PRDM5: variants seen among roughly 807,000 people sequenced by gnomAD.
The protein encoded by PRDM5 is PR/SET domain 5.
PRDM5 carries 56 observed loss-of-function variants against 81.2 expected under a neutral mutation model. That is an observed-to-expected ratio of 0.69 (90% confidence interval 0.56 to 0.86). PRDM5 has a LOEUF of 0.86. Ranked by LOEUF, PRDM5 falls within the 40% of genes least tolerant of loss-of-function variation. The pLI is 0.00. For missense variants in PRDM5, 697 were observed against 770.1 expected (o/e 0.91, Z 1.12); for synonymous variants, 267 against 256.4 (o/e 1.04, Z -0.39).
At chr4:120,770,234 G>A (rs1029745081) in intron 13 of PRDM5, among the ~76,000 whole-genome samples, 1 of 152,008 alleles carries the variant, frequency 6.6e-6, no homozygotes, top group African/African-American at 2.4e-5. Context: ...TCGCCATGTT[G>A]GCCAGGCTGG....
chr4:120,824,346 T>G (rs569321129), intron 3 of PRDM5, among the ~76,000 whole-genome samples: 2 of 152,318 alleles, frequency 1.3e-5, no homozygotes, highest in East Asian at 3.9e-4. Context: ...GTTATTCCCT[T>G]GAGCACAGTC....
rs751038770 is a variant in PRDM5 at position 120,816,897 on chromosome 4, A to T, written c.678T>A (p.Ser226Arg). Residue 226 changes from serine to arginine, a missense_variant, in exon 6 of 16, where the codon AGT (serine) becomes AGA (arginine). Coordinates refer to ENST00000264808, the MANE Select transcript of PRDM5 (RefSeq NM_018699.4). ...GAAAACTTCGCGAAGACTCCTTTAG[A>T]CTGCTTTTCGCTGTGCACTGAAGAA... Reference protein sequence around the residue: ...RHVLQCTAKSSLKESSRSFQC... With the variant: ...RHVLQCTAKSRLKESSRSFQC... The T allele has an allele frequency of 5.0e-6, 8 of 1,613,398 alleles. No individual in the cohort carries two copies. The East Asian group carries it at 1.8e-4, about 36-fold the overall frequency.
chr4:120,854,473 G>C (rs1045740290), intron 2 of PRDM5, among the ~76,000 whole-genome samples: 1 of 152,010 alleles, frequency 6.6e-6, no homozygotes, highest in Non-Finnish European at 1.5e-5. Flanking sequence ...TGGCAGACTT[G>C]ATAAGAATTC....
intron 10 of PRDM5, among the ~76,000 whole-genome samples, chr4:120,786,284 G>C (rs79376371): frequency 1.8e-4 from 27 of 152,030 alleles, no homozygotes; most frequent in Admixed American, 3.9e-4. Flanking sequence ...GAAAGATATA[G>C]AGAAAGCATG....
intron 14 of PRDM5, among the ~76,000 whole-genome samples, chr4:120,751,659 C>T (rs1461004991): frequency 6.6e-6 from 1 of 152,172 alleles, no homozygotes; most frequent in African/African-American, 2.4e-5. Flanking sequence ...AATCCACCAG[C>T]CTTCACCTCA....
chr4:120,742,650 G>A lies in PRDM5; in HGVS notation c.1623+11903C>T, dbSNP rs988557185. ...GAAGAATGCAAAAGCCTCAGGAGCC[G>A]AAGCGATCAACTGGAAGAAAGGGTA... On this transcript the variant is annotated intron_variant, in intron 14 of 15. Transcript: ENST00000264808. 3.3e-5 allele frequency among the ~76,000 whole-genome samples: 5 copies of A among 152,312 alleles called. No individual in the cohort carries two copies. The East Asian group carries it at 5.8e-4, about 18-fold the overall frequency.
At chr4:120,908,053 C>G (rs1766034043) in intron 1 of PRDM5, among the ~76,000 whole-genome samples, 1 of 152,218 alleles carries the variant, frequency 6.6e-6, no homozygotes, top group Non-Finnish European at 1.5e-5. Context: ...ATCTTTCAAA[C>G]AGGCAAATGG....
chr4:120,728,964 A>G (rs1039298880), intron 14 of PRDM5, among the ~76,000 whole-genome samples: 26 of 152,248 alleles, frequency 1.7e-4, no homozygotes, highest in African/African-American at 6.0e-4. Flanking sequence ...AAGTAGCACA[A>G]TTAAATATTC....
intron 2 of PRDM5, among the ~76,000 whole-genome samples, chr4:120,855,503 C>G (rs1031380440): frequency 6.6e-6 from 1 of 152,094 alleles, no homozygotes; most frequent in African/African-American, 2.4e-5. Flanking sequence ...CACTCACTGC[C>G]CACTGGGAAA....
intron 7 of PRDM5, chr4:120,816,145 A>G: frequency 2.9e-6 from 1 of 347,240 alleles, no homozygotes; most frequent in South Asian, 3.0e-5. Flanking sequence ...CACATGCCAA[A>G]ACATTTAAAA....
intron 15 of PRDM5, among the ~76,000 whole-genome samples, chr4:120,698,724 G>A (rs1734883889): frequency 6.6e-6 from 1 of 152,114 alleles, no homozygotes; most frequent in Non-Finnish European, 1.5e-5. Flanking sequence ...CACCTGGTTT[G>A]ACTGTAAATG....
At chr4:120,913,349 T>C (rs1766734164) in intron 1 of PRDM5, among the ~76,000 whole-genome samples, 1 of 152,212 alleles carries the variant, frequency 6.6e-6, no homozygotes, top group Non-Finnish European at 1.5e-5. Flanking sequence ...GCCACTGAAC[T>C]AATGGCCACA....
At chr4:120,820,666 A>G (rs1407797867) in intron 4 of PRDM5, among the ~76,000 whole-genome samples, 1 of 152,232 alleles carries the variant, frequency 6.6e-6, no homozygotes, top group Non-Finnish European at 1.5e-5. Flanking sequence ...ACAGAAAGAG[A>G]TGCCAAGAAG....
intron 2 of PRDM5, among the ~76,000 whole-genome samples, chr4:120,887,630 T>A (rs1217535604): frequency 6.6e-6 from 1 of 152,206 alleles, no homozygotes; most frequent in Non-Finnish European, 1.5e-5. Context: ...CTGCTTTGTT[T>A]CTGTCCTTTG....
intron 14 of PRDM5, among the ~76,000 whole-genome samples, chr4:120,736,726 G>A (rs139144634): frequency 6.6e-6 from 1 of 152,058 alleles, no homozygotes. Flanking sequence ...GCAGAGTGCT[G>A]GCATATAGTT....
chr4:120,716,004 G>C (rs1737681203), intron 14 of PRDM5, among the ~76,000 whole-genome samples: 1 of 152,154 alleles, frequency 6.6e-6, no homozygotes, highest in Non-Finnish European at 1.5e-5. Context: ...TTAAAAGACT[G>C]ACTCCCTGCT....
At chr4:120,818,159 A>C (rs1754784093) in intron 5 of PRDM5, 194 bp downstream of exon 5, 1 of 569,286 alleles carries the variant, frequency 1.8e-6, no homozygotes, top group East Asian at 2.9e-5. Flanking sequence ...ATATTTTAAT[A>C]ATCAACATAC....
At chr4:120,757,837 C>A (rs1744995675) in intron 13 of PRDM5, among the ~76,000 whole-genome samples, 1 of 151,246 alleles carries the variant, frequency 6.6e-6, no homozygotes, top group African/African-American at 2.4e-5. Flanking sequence ...CTCTCTCTTT[C>A]TCTCCTCCTC....
At chr4:120,905,371 G>A (rs139069557) in intron 2 of PRDM5, among the ~76,000 whole-genome samples, 1 of 152,202 alleles carries the variant, frequency 6.6e-6, no homozygotes, top group Non-Finnish European at 1.5e-5. Flanking sequence ...TTAATCAAAC[G>A]CTGATATAGC....
Sources: gnomAD v4.1 joint callset for allele counts (sites outside exome capture counted in the v4.1 genomes callset) on GRCh38, gnomAD v4.1.1 for gene constraint, MANE v1.5 for transcripts, NCBI Gene and HGNC (gene_info 2026-07-23, HGNC 2026-07-21) for gene names.